The following BIK variants were observed in gnomAD, a reference collection of about 807,000 sequenced individuals.
BIK encodes the protein bcl-2-interacting killer.
BIK carries 14 observed loss-of-function variants against 12.1 expected under a neutral mutation model. The observed-to-expected ratio is 1.16, with a 90% CI of 0.77 to 1.81. The LOEUF (loss-of-function observed/expected upper bound fraction) is 1.81. Ranked by LOEUF, BIK falls within the 40% of genes most tolerant of loss-of-function variation. The probability of loss-of-function intolerance (pLI) is 0.00; values close to 1 mark genes in which losing one functional copy is unlikely to be tolerated. For synonymous variants in BIK, 86 were observed against 92.3 expected, an observed-to-expected ratio of 0.93 and a Z score of 0.39; for missense variants, 215 against 207.9, an observed-to-expected ratio of 1.03 and a Z score of -0.21.
At chr22:43,128,269 G>A (rs576687614) in intron 3 of BIK, among the ~76,000 whole-genome samples, 94 of 152,234 alleles carry the variant, frequency 6.2e-4, no homozygotes, top group African/African-American at 1.8e-3. Context: ...GCTGGCGGGC[G>A]GCTGGCTGGC....
chr22:43,124,217 G>A (rs2147024068), intron 2 of BIK, 34 bp downstream of exon 2: 1 of 1,609,136 alleles, frequency 6.2e-7, no homozygotes, highest in Middle Eastern at 1.8e-4. Flanking sequence ...CCCCCTGCCT[G>A]ATAGTGACTT....
intron 1 of BIK, among the ~76,000 whole-genome samples, chr22:43,117,929 T>G (rs1451701599): frequency 6.6e-6 from 1 of 152,076 alleles, no homozygotes; most frequent in Non-Finnish European, 1.5e-5. Flanking sequence ...CACCTTGGCC[T>G]CCCAAAGTGC....
At chr22:43,121,867 G>C (rs1930225661) in intron 1 of BIK, among the ~76,000 whole-genome samples, 1 of 152,284 alleles carries the variant, frequency 6.6e-6, no homozygotes, top group South Asian at 2.1e-4. Context: ...TTCAAGCTGG[G>C]ATTACAGGCG....
intron 3 of BIK, 41 bp downstream of exon 3, chr22:43,127,836 G>A: frequency 6.6e-7 from 1 of 1,519,340 alleles, no homozygotes; most frequent in Non-Finnish European, 8.9e-7. Flanking sequence ...CTGGGGAGGG[G>A]CCCTGGGCGG....
chr22:43,127,858 C>G, intron 3 of BIK, 63 bp downstream of exon 3: 1 of 1,452,440 alleles, frequency 6.9e-7, no homozygotes, highest in Non-Finnish European at 9.4e-7. Flanking sequence ...GGGTGGAGGC[C>G]CTGAACACAG....
At chr22:43,127,011 G>A (rs868782138) in intron 2 of BIK, among the ~76,000 whole-genome samples, 1 of 152,152 alleles carries the variant, frequency 6.6e-6, no homozygotes, top group Admixed American at 6.5e-5. Context: ...GAGTTCCCCC[G>A]GTGTAGTCAC....
Position 43,124,244 on chromosome 22 carries a change from G to A in BIK, c.161+61G>A, listed in dbSNP as rs535328792. ...TAGTGACTTCAGGGGTGGGCTGGAT[G>A]AGCAGACATTCTATGAGCGGGGGAG... On this transcript the variant is annotated intron_variant, in intron 2 of 4. Transcript: ENST00000216115. 20 of 1,585,050 alleles carry A rather than the reference G, an allele frequency of 1.3e-5. 1 individual carries two copies. The South Asian group carries it at 2.0e-4, about 16-fold the overall frequency.
chr22:43,113,114 G>A (rs565701021), intron 1 of BIK, among the ~76,000 whole-genome samples: 4 of 152,288 alleles, frequency 2.6e-5, no homozygotes, highest in African/African-American at 9.6e-5. Flanking sequence ...TGAGGCAGGA[G>A]AACTGCTTGA....
intron 3 of BIK, among the ~76,000 whole-genome samples, chr22:43,128,196 T>G (rs1243121621): frequency 6.6e-6 from 1 of 151,836 alleles, no homozygotes; most frequent in African/African-American, 2.4e-5. Context: ...GTGAGGGCCC[T>G]GTAGAATGGG....
chr22:43,129,302 G>C lies in BIK; in HGVS notation c.480G>C (p.Lys160Asn). The change falls in exon 5 of 5, where the codon AAG (lysine) becomes AAC (asparagine). Residue 160 changes from lysine to asparagine, a missense_variant. Physicochemically the swap from Lys to Asn is moderately conservative, Grantham distance 94. Transcript: ENST00000216115. Reference protein sequence around the residue: ...LLSGGLHLLLK With the variant: ...LLSGGLHLLLN ...GCGGGGGCCTGCACCTGCTGCTCAA[G>C]TGAGGCCCCGGCGGCTCAGGGCGGG... 2 of 1,598,960 alleles carry C rather than the reference G, an allele frequency of 1.3e-6. No homozygotes were observed. Among genetic ancestry groups the C allele is most frequent in the East Asian group, 2.2e-5 (1 of 44,836 alleles).
intron 1 of BIK, among the ~76,000 whole-genome samples, chr22:43,117,001 G>T (rs1170461559): frequency 6.6e-6 from 1 of 152,206 alleles, no homozygotes; most frequent in Non-Finnish European, 1.5e-5. Flanking sequence ...GCAGCTCAGG[G>T]TGACTCCCAT....
intron 2 of BIK, among the ~76,000 whole-genome samples, chr22:43,124,442 C>A (rs1930277107): frequency 6.6e-6 from 1 of 152,194 alleles, no homozygotes; most frequent in Admixed American, 6.5e-5. Context: ...ACCTGGGGCC[C>A]CTGGCTGTCA....
At position 43,128,649 on chromosome 22, in the gene BIK, C is replaced by G. The variant is rs202218838; in HGVS notation, c.390+24C>G. 821 of 1,590,824 alleles carry G rather than the reference C, an allele frequency of 5.2e-4. 1 individual carries two copies. In the African/African-American group the frequency reaches 6.8e-3, roughly 13 times the overall value. On this transcript the variant is annotated intron_variant, in intron 4 of 4. Coordinates refer to ENST00000216115, the MANE Select transcript of BIK (RefSeq NM_001197.5). ...GGGTAAGAGCCTTGAGATCCCTGAC[C>G]CTGACTTGCGCTGCGGCCAGTGGGG... is the stretch of plus-strand genomic sequence containing the variant.
intron 2 of BIK, among the ~76,000 whole-genome samples, chr22:43,124,774 C>G (rs1930282909): frequency 6.6e-6 from 1 of 151,978 alleles, no homozygotes; most frequent in Admixed American, 6.6e-5. Context: ...TGTCTGTAGT[C>G]CCAGCTAGTC....
chr22:43,127,639 A>T, intron 2 of BIK, 58 bp from the exon 3 acceptor site: 2 of 1,459,286 alleles, frequency 1.4e-6, no homozygotes, highest in Non-Finnish European at 1.9e-6. Flanking sequence ...GGGTGGGTCC[A>T]GGTGCATGTG....
chr22:43,119,780 T>G (rs1930184261), intron 1 of BIK, among the ~76,000 whole-genome samples: 1 of 152,076 alleles, frequency 6.6e-6, no homozygotes, highest in African/African-American at 2.4e-5. Context: ...GAGACAAGCC[T>G]GGGCAACAAA....
chr22:43,128,731 G>A (rs1930374689), intron 4 of BIK, 106 bp downstream of exon 4: 2 of 1,434,986 alleles, frequency 1.4e-6, no homozygotes, highest in Admixed American at 2.2e-5. Context: ...ATCATCATCT[G>A]TGTCACCTGT....
At position 43,124,054 on chromosome 22, in the gene BIK, T is replaced by A. The variant is rs761455898; in HGVS notation, c.32T>A (p.Ile11Asn). ...GAAGTAAGACCCCTCTCCAGAGACATCTTGATGGAGACCCTCCTGTATGAG... is the reference window on the plus strand; with the variant it reads ...GAAGTAAGACCCCTCTCCAGAGACAACTTGATGGAGACCCTCCTGTATGAG... MSEVRPLSRD[I>N]LMETLLYEQL... Residue 11 changes from isoleucine to asparagine, a missense_variant, in exon 2 of 5, where the codon ATC (isoleucine) becomes AAC (asparagine). Ile to Asn is a moderately radical substitution (Grantham distance 149). Transcript: ENST00000216115. The A allele has an allele frequency of 1.2e-6, 2 of 1,614,078 alleles. No individual in the cohort carries two copies. Among genetic ancestry groups the A allele is most frequent in the South Asian group, 2.2e-5 (2 of 91,076 alleles).
In BIK at chr22:43,117,132, G is replaced by A. The variant is rs1034927447; in HGVS notation, c.-8+6329G>A. ...GGCTCTGATTCTAGATCTTGAAGCC[G>A]GATGCGGCACTGGCACTTGGCTTCA... is the stretch of plus-strand genomic sequence containing the variant. On this transcript the variant is annotated intron_variant, in intron 1 of 4. Coordinates refer to ENST00000216115, the MANE Select transcript of BIK (RefSeq NM_001197.5). Among the ~76,000 whole-genome samples the A allele has an allele frequency of 4.5e-4, 69 of 152,112 alleles. 1 individual carries two copies. The highest frequency in any genetic ancestry group is 1.6e-3 in the African/African-American group (66 of 41,438).
Sources: gnomAD v4.1 joint callset for allele counts (sites outside exome capture counted in the v4.1 genomes callset) on GRCh38, gnomAD v4.1.1 for gene constraint, MANE v1.5 for transcripts, NCBI Gene and HGNC (gene_info 2026-07-23, HGNC 2026-07-21) for gene names.